DMXL2: variants seen among roughly 807,000 people sequenced by gnomAD.
DMXL2 encodes the protein Dmx like 2.
Under a neutral mutation model 331.1 loss-of-function variants are expected in DMXL2, and 103 were observed. That is an observed-to-expected ratio of 0.31 (90% CI 0.27 to 0.37). DMXL2 has a LOEUF of 0.37. Among genes scored for constraint, DMXL2 ranks in the 10% least tolerant of loss-of-function variants. DMXL2 has a pLI of 1.00. For missense variants in DMXL2, 3,171 were observed against 3,642.9 expected, an observed-to-expected ratio of 0.87 and a Z score of 3.33; for synonymous variants, 1,281 against 1,252.1, an observed-to-expected ratio of 1.02 and a Z score of -0.49.
chr15:51,528,757 C>G (rs1261591248), intron 13 of DMXL2, among the ~76,000 whole-genome samples: 2 of 151,226 alleles, frequency 1.3e-5, no homozygotes, highest in Non-Finnish European at 3.0e-5. Flanking sequence ...TCTGTACTAT[C>G]AAAAACAATA....
At position 51,615,369 on chromosome 15, in the gene DMXL2, G is replaced by T. The variant is rs144064822; in HGVS notation, c.87+7090C>A. Among the ~76,000 whole-genome samples, 55 of 152,318 alleles carry T rather than the reference G, an allele frequency of 3.6e-4. No individual in the cohort carries two copies. The East Asian group carries it at 9.2e-3, about 26-fold the overall frequency. On this transcript the variant is annotated intron_variant, in intron 1 of 43. Coordinates refer to ENST00000560891, the MANE Select transcript of DMXL2 (RefSeq NM_001378457.1). ...ACTGCTAGAATCATGCACTTGAGTA[G>T]GAAAGAGAGATGCAAACCGTAAGGT...
At chr15:51,485,861 G>T (rs1170527211) in intron 23 of DMXL2, among the ~76,000 whole-genome samples, 3 of 152,080 alleles carry the variant, frequency 2.0e-5, no homozygotes, top group African/African-American at 4.8e-5. Context: ...ACAGAATGTG[G>T]CAAACATTTT....
intron 23 of DMXL2, among the ~76,000 whole-genome samples, chr15:51,484,252 G>A (rs2042229058): frequency 1.3e-5 from 2 of 152,220 alleles, no homozygotes. Flanking sequence ...GGCTGGCCAA[G>A]TGACCATGTA....
At chr15:51,612,631 T>G (rs1479877587) in intron 1 of DMXL2, among the ~76,000 whole-genome samples, 2 of 152,184 alleles carry the variant, frequency 1.3e-5, no homozygotes, top group Non-Finnish European at 2.9e-5. Flanking sequence ...GATCATATGC[T>G]TCACAAGGTA....
chr15:51,572,737 C>G (rs190033820), intron 2 of DMXL2, among the ~76,000 whole-genome samples: 2 of 152,102 alleles, frequency 1.3e-5, no homozygotes, highest in Admixed American at 1.3e-4. Context: ...ATTCAACAGC[C>G]CTTCATGCTA....
chr15:51,458,652 G>A (rs775546146), intron 35 of DMXL2, 25 bp from the exon 36 acceptor site: 1 of 1,613,686 alleles, frequency 6.2e-7, no homozygotes, highest in African/African-American at 1.3e-5. Context: ...CAGAATCGAT[G>A]ATTTAAGCAA....
At chr15:51,492,710 G>C (rs2042898221) in intron 19 of DMXL2, among the ~76,000 whole-genome samples, 1 of 152,152 alleles carries the variant, frequency 6.6e-6, no homozygotes, top group Non-Finnish European at 1.5e-5. Context: ...TGGGAATGCT[G>C]GCAAGAACTC....
At chr15:51,471,927 G>C in intron 28 of DMXL2, among the ~76,000 whole-genome samples, 1 of 152,172 alleles carries the variant, frequency 6.6e-6, no homozygotes, top group Non-Finnish European at 1.5e-5. Context: ...GTTAGGACAA[G>C]TCTGTGGCTA....
intron 1 of DMXL2, among the ~76,000 whole-genome samples, chr15:51,602,632 C>G (rs2053306037): frequency 6.6e-6 from 1 of 152,198 alleles, no homozygotes; most frequent in African/African-American, 2.4e-5. Context: ...TAAGCTTAAA[C>G]AGCAGAGCAA....
At chr15:51,553,434 T>C (rs2049345612) in intron 6 of DMXL2, among the ~76,000 whole-genome samples, 1 of 152,242 alleles carries the variant, frequency 6.6e-6, no homozygotes, top group Admixed American at 6.5e-5. Context: ...AAGTGCAGAT[T>C]GCTAGAATTC....
rs2051010507 is a variant in DMXL2, at chr15:51,576,133, A to G, written c.136T>C (p.Cys46Arg). 1 of 1,503,694 alleles carries G rather than the reference A, an allele frequency of 6.7e-7. No homozygotes were observed. Among genetic ancestry groups the G allele is most frequent in the South Asian group, 1.1e-5 (1 of 87,922 alleles). 93.1% of individuals were successfully genotyped at this position (1,503,694 alleles called of 1,614,324 possible). Residue 46 changes from cysteine to arginine, a missense_variant, in exon 2 of 44, where the codon TGT (cysteine) becomes CGT (arginine). By Grantham distance (180) the Cys-to-Arg change is radical. Around this residue, in one of 7 missense-constraint regions of DMXL2, gnomAD observed 1,674 missense variants for 1,780.2 expected, o/e 0.94. Transcript: ENST00000560891. Reference protein sequence around the residue: ...DIVILANDFECVQIIPGAKHG... With the variant: ...DIVILANDFERVQIIPGAKHG... ...TTAGCACCAGGAATGATCTGTACAC[A>G]TTCAAAGTCATTTGCCAAAATAACA...
chr15:51,564,190 C>G lies in DMXL2; in HGVS notation c.435G>C (p.Glu145Asp), dbSNP rs2050133786. Residue 145 changes from glutamate (E) to aspartate (D), a missense_variant, in exon 5 of 44, where the codon GAG (glutamate) becomes GAC (aspartate). Glu to Asp is a conservative substitution (Grantham distance 45, BLOSUM62 2). Coordinates refer to ENST00000560891, the MANE Select transcript of DMXL2 (RefSeq NM_001378457.1). ...GAACTGTATTATCAATTTCTTCCTC[C>G]TCTTCCAGAATATCATCTCCTGGAG... is the stretch of plus-strand genomic sequence containing the variant. ...WAPPGDDILE[E>D]EEEIDNTVPP... The G allele has an allele frequency of 6.2e-7, 1 of 1,608,650 alleles. No homozygotes were observed. The highest frequency in any genetic ancestry group is 1.3e-5 in the African/African-American group (1 of 74,594).
intron 13 of DMXL2, among the ~76,000 whole-genome samples, chr15:51,519,188 G>A (rs2047203549): frequency 6.6e-6 from 1 of 151,576 alleles, no homozygotes; most frequent in South Asian, 2.1e-4. Context: ...TCAGGGTCTT[G>A]CTCTATTGGC....
intron 1 of DMXL2, among the ~76,000 whole-genome samples, chr15:51,587,507 T>G (rs1366789889): frequency 6.6e-6 from 1 of 152,268 alleles, no homozygotes; most frequent in Non-Finnish European, 1.5e-5. Flanking sequence ...CTCATCATTT[T>G]TTATGGCTGC....
chr15:51,536,313 T>C lies in DMXL2; in HGVS notation c.2167A>G (p.Ser723Gly). Reference protein sequence around the residue: ...RTFHDPNAIYSELILWRVDPI... With the variant: ...RTFHDPNAIYGELILWRVDPI... ...TCTACACGCCACAGAATAAGTTCAC[T>C]GTAGATTGCATTTGGGTCATGAAAT... Residue 723 changes from serine to glycine, a missense_variant, in exon 12 of 44, where the codon AGT (serine) becomes GGT (glycine). By Grantham distance (56) the Ser-to-Gly change is moderately conservative (BLOSUM62 0). Coordinates refer to ENST00000560891, the MANE Select transcript of DMXL2 (RefSeq NM_001378457.1). 1 of 1,614,132 alleles carries C rather than the reference T, an allele frequency of 6.2e-7. No individual in the cohort carries two copies. Among genetic ancestry groups the C allele is most frequent in the Non-Finnish European group, 8.5e-7 (1 of 1,179,978 alleles).
At chr15:51,471,687 A>G (rs1235135349) in intron 28 of DMXL2, among the ~76,000 whole-genome samples, 2 of 152,240 alleles carry the variant, frequency 1.3e-5, no homozygotes, top group African/African-American at 4.8e-5. Flanking sequence ...TTCAATAAAT[A>G]TTAAAGTGAG....
chr15:51,555,767 T>C (rs949830457), intron 6 of DMXL2, among the ~76,000 whole-genome samples: 3 of 152,096 alleles, frequency 2.0e-5, no homozygotes, highest in African/African-American at 7.2e-5. Flanking sequence ...TGAAAAATCA[T>C]AGGTAAATAC....
intron 1 of DMXL2, among the ~76,000 whole-genome samples, chr15:51,622,095 C>G (rs1219900783): frequency 6.6e-6 from 1 of 152,166 alleles, no homozygotes; most frequent in Non-Finnish European, 1.5e-5. Context: ...GCCTCCACGC[C>G]GAGAGCAGCT....
chr15:51,510,854 A>T (rs1280560425), intron 15 of DMXL2, among the ~76,000 whole-genome samples: 1 of 152,200 alleles, frequency 6.6e-6, no homozygotes, highest in Non-Finnish European at 1.5e-5. Context: ...TACATAGAAC[A>T]ATGGAACAGA....
Sources: gnomAD v4.1 joint callset for allele counts (sites outside exome capture counted in the v4.1 genomes callset) on GRCh38, gnomAD v4.1.1 for gene constraint, gnomAD v4.1.1 regional missense constraint, MANE v1.5 for transcripts, NCBI Gene and HGNC (gene_info 2026-07-23, HGNC 2026-07-21) for gene names.